The following GBX2 variants were observed in gnomAD, a reference collection of about 807,000 sequenced individuals.
The protein encoded by GBX2 is gastrulation brain homeobox 2.
GBX2 carries 5 observed loss-of-function variants against 22.4 expected under a neutral mutation model. The ratio of observed to expected loss-of-function variants is 0.22; its 90% confidence interval spans 0.12 to 0.47. GBX2 has a LOEUF of 0.47. Ranked by LOEUF, GBX2 falls within the 20% of genes least tolerant of loss-of-function variation. GBX2 has a pLI of 0.99. For missense variants in GBX2, 470 were observed against 495.4 expected (o/e 0.95, Z 0.49); for synonymous variants, 220 against 230.5 (o/e 0.95, Z 0.41).
chr2:236,167,247 C>A (rs913113568), intron 1 of GBX2: 2 of 1,466,452 alleles, frequency 1.4e-6, no homozygotes, highest in Non-Finnish European at 1.8e-6. Flanking sequence ...AAACGCCCCC[C>A]CTCCCGAGAC....
chr2:236,164,398 CGCA>C (rs1559317113), downstream of GBX2, among the ~76,000 whole-genome samples: 1 of 152,132 alleles, frequency 6.6e-6, no homozygotes, highest in Non-Finnish European at 1.5e-5. Context: ...GCCTGTCCGC[CGCA>C]GTATCTGGCG....
In GBX2 at chr2:236,167,981, C is replaced by G. The variant is rs1330188938; in HGVS notation, c.-10G>C. On this transcript the variant is annotated 5_prime_UTR_variant, in exon 1 of 2. Transcript: ENST00000306318. ...GGAACGCTGCGCTCATAGACGCGCT[C>G]GGTAGAGGCCAGCGAGAGGCGAAAA... is the stretch of plus-strand genomic sequence containing the variant. 6.5e-7 allele frequency: 1 copy of G among 1,541,632 alleles called. No individual in the cohort carries two copies.
chr2:236,166,041 G>A lies in GBX2; in HGVS notation c.920C>T (p.Ala307Val). The A allele has an allele frequency of 6.2e-7, 1 of 1,614,240 alleles. No individual in the cohort carries two copies. Among genetic ancestry groups the A allele is most frequent in the Non-Finnish European group, 8.5e-7 (1 of 1,180,050 alleles). The change falls in exon 2 of 2, where the codon GCA becomes GTA. Residue 307 changes from alanine (A) to valine (V), a missense_variant. This residue lies in a region of GBX2 where 50 missense variants were observed against 59.1 expected (regional missense o/e 0.85). Coordinates refer to ENST00000306318, the MANE Select transcript of GBX2 (RefSeq NM_001485.4). This position sits in a 1 kb window ranked among gnomAD's most constrained non-coding sequence, Gnocchi z 6.6. ...CCCTGTCTTGGAATTGGCATTGCCT[G>A]CCTTCACCCGTTTCCACTTGGCCCG... is the stretch of plus-strand genomic sequence containing the variant. ...NRRAKWKRVK[A>V]GNANSKTGEP...
At chr2:236,162,801 C>A (rs1165043684), downstream of GBX2, among the ~76,000 whole-genome samples, 2 of 152,220 alleles carry the variant, frequency 1.3e-5, no homozygotes, top group South Asian at 2.1e-4. Flanking sequence ...GATGTCAAAA[C>A]CCAACCTTGG....
chr2:236,162,758 G>A (rs551990840), downstream of GBX2, among the ~76,000 whole-genome samples: 144 of 152,350 alleles, frequency 9.5e-4, no homozygotes, highest in Admixed American at 2.2e-3. Flanking sequence ...ATCTGCAGAT[G>A]TAAGTGGAAT....
Position 236,166,236 on chromosome 2 carries a change from G to A in GBX2, c.725C>T (p.Thr242Met), listed in dbSNP as rs769851621. The A allele has an allele frequency of 1.2e-6, 2 of 1,613,672 alleles. No individual in the cohort carries two copies. Among genetic ancestry groups the A allele is most frequent in the African/African-American group, 1.3e-5 (1 of 75,068 alleles). ...PPSSGAAGST[T>M]STGKNRRRRT... is the part of the protein sequence containing the mutation. ...CCGCCGCCGGTTCTTGCCCGTAGAC[G>A]TGGTGCTGCCCGCGGCGCCGCTGCT... is the stretch of plus-strand genomic sequence containing the variant. The change falls in exon 2 of 2, where the codon ACG (threonine) becomes ATG (methionine). Residue 242 changes from threonine to methionine, a missense_variant. This residue lies in a region of GBX2 where 377 missense variants were observed against 358.6 expected (regional missense o/e 1.05). Coordinates refer to ENST00000306318, the MANE Select transcript of GBX2 (RefSeq NM_001485.4). This position sits in a 1 kb window ranked among gnomAD's most constrained non-coding sequence, Gnocchi z 6.6.
intron 1 of GBX2, 39 bp downstream of exon 1, chr2:236,167,410 C>T (rs1436579212): frequency 6.9e-6 from 10 of 1,448,218 alleles, no homozygotes; most frequent in African/African-American, 1.5e-5. Context: ...CCCGCCTCCT[C>T]CCGCCCCCTC....
Position 236,165,922 on chromosome 2 carries a change from G to A in GBX2, c.1039C>T (p.Arg347Trp). The A allele has an allele frequency of 1.2e-6, 2 of 1,612,710 alleles. No individual in the cohort carries two copies. Among genetic ancestry groups the A allele is most frequent in the Non-Finnish European group, 1.7e-6 (2 of 1,178,968 alleles). Residue 347 changes from arginine (R) to tryptophan (W), a missense_variant, in exon 2 of 2, where the codon CGG (arginine) becomes TGG (tryptophan). Transcript: ENST00000306318. ...RSQHQQLEQARP is the reference protein window; with the variant it reads ...RSQHQQLEQAWP ...CTGGCCCTTCTGGACCCTCAGGGCC[G>A]GGCCTGTTCTAGCTGCTGATGCTGA...
rs1224419584 is a variant in GBX2, at chr2:236,168,157, C to T, written c.-186G>A. On this transcript the variant is annotated 5_prime_UTR_variant, in exon 1 of 2. Transcript: ENST00000306318. ...ATGCCGGGCGGGTGCAGGGGGTGTG[C>T]GGGGTGAGGCCGTGCGCCCCGGAGT... 2 of 495,778 alleles carry T rather than the reference C, an allele frequency of 4.0e-6. No individual in the cohort carries two copies. Among genetic ancestry groups the T allele is most frequent in the Non-Finnish European group, 6.1e-6 (2 of 329,476 alleles). 30.7% of individuals were successfully genotyped at this position (495,778 alleles called of 1,614,324 possible).
At chr2:236,162,625 G>A (rs1252175104), downstream of GBX2, among the ~76,000 whole-genome samples, 1 of 152,248 alleles carries the variant, frequency 6.6e-6, no homozygotes, top group African/African-American at 2.4e-5. Flanking sequence ...TGGAGTGACT[G>A]TTCTTGTGGC....
rs1430811000 is a variant in GBX2 at position 236,165,882 on chromosome 2, G to A, written c.*32C>T. The A allele has an allele frequency of 1.3e-6, 2 of 1,554,216 alleles. No homozygotes were observed. Among genetic ancestry groups the A allele is most frequent in the Non-Finnish European group, 1.7e-6 (2 of 1,149,648 alleles). On this transcript the variant is annotated 3_prime_UTR_variant, in exon 2 of 2. Transcript: ENST00000306318. ...TCCCTCGGGTGCGGGGGCTTCTCCA[G>A]GTGGGTGCCAGGCCCTGGCCCTTCT...
downstream of GBX2, among the ~76,000 whole-genome samples, chr2:236,164,890 G>T (rs2060229463): frequency 6.6e-6 from 1 of 152,178 alleles, no homozygotes; most frequent in Non-Finnish European, 1.5e-5. Flanking sequence ...GGAGCATCAG[G>T]AGTTTGTGCA....
In GBX2 at chr2:236,165,261, T is replaced by C. The variant is rs915965557; in HGVS notation, c.*653A>G. 6 of 152,348 alleles carry C rather than the reference T, an allele frequency of 3.9e-5. No homozygotes were observed. The highest frequency in any genetic ancestry group is 1.4e-4 in the African/African-American group (6 of 41,568). The allele number at this position is 152,348 out of a possible 1,614,324, so 9.4% of individuals were successfully genotyped here. The stretch of plus-strand genomic sequence containing the variant: ...TTGGTCTTTTTCCCCCCCTCTCTCC[T>C]TTTTATTATTCACAAGACTGAAATT... On this transcript the variant is annotated 3_prime_UTR_variant, in exon 2 of 2. Coordinates refer to ENST00000306318, the MANE Select transcript of GBX2 (RefSeq NM_001485.4).
rs986640279 is a variant in GBX2, at chr2:236,166,347, A to G, written c.614T>C (p.Val205Ala). ...CAGATTGTCATCCGAGCTGTAGTCCACATCGCTCTCCAGCGAGAAGCTCTC... is the reference window on the plus strand; with the variant it reads ...CAGATTGTCATCCGAGCTGTAGTCCGCATCGCTCTCCAGCGAGAAGCTCTC... Reference protein sequence around the residue: ...KEESFSLESDVDYSSDDNLTG... With the variant: ...KEESFSLESDADYSSDDNLTG... The change falls in exon 2 of 2, where the codon GTG (valine) becomes GCG (alanine). Residue 205 changes from valine to alanine, a missense_variant. Coordinates refer to ENST00000306318, the MANE Select transcript of GBX2 (RefSeq NM_001485.4). This position sits in a 1 kb window ranked among gnomAD's most constrained non-coding sequence, Gnocchi z 6.6. The G allele has an allele frequency of 4.3e-6, 7 of 1,613,924 alleles. No individual in the cohort carries two copies. The highest frequency in any genetic ancestry group is 4.0e-5 in the African/African-American group (3 of 74,930).
chr2:236,164,114 G>A (rs1368781827), downstream of GBX2, among the ~76,000 whole-genome samples: 1 of 152,188 alleles, frequency 6.6e-6, no homozygotes, highest in Non-Finnish European at 1.5e-5. Flanking sequence ...GGAGGTCTTG[G>A]TCCCCAGGCC....
chr2:236,167,846 G>C lies in GBX2; in HGVS notation c.126C>G (p.Thr42=). ...GGTAGGGCATGAACATGGGGTAGCC[G>C]GTGTAGACGAAATGGCCGGGGCTGG... The part of the protein sequence containing the change: ...PQPSPGHFVY[T]GYPMFMPYRP... The change falls in exon 1 of 2, where the codon ACC becomes ACG. Residue 42 remains threonine, a synonymous_variant. Coordinates refer to ENST00000306318, the MANE Select transcript of GBX2 (RefSeq NM_001485.4). The C allele has an allele frequency of 6.6e-7, 1 of 1,513,092 alleles. No individual in the cohort carries two copies. Among genetic ancestry groups the C allele is most frequent in the Non-Finnish European group, 8.8e-7 (1 of 1,131,416 alleles). 93.7% of individuals were successfully genotyped at this position (1,513,092 alleles called of 1,614,324 possible). A position where few individuals can be genotyped will look rare whatever the true frequency, so the allele number is the denominator to read the frequency against.
In GBX2 at chr2:236,167,923, C is replaced by G; in HGVS notation, c.49G>C (p.Gly17Arg). ...TCTATGCTGAAGGCGGTGCTACTCC[C>G]CAGCGGGCGCTGCATCATCATCAGC... Reference protein sequence around the residue: ...PSLMMMQRPLGSSTAFSIDSL... With the variant: ...PSLMMMQRPLRSSTAFSIDSL... Residue 17 changes from glycine to arginine, a missense_variant, in exon 1 of 2, where the codon GGG becomes CGG. Gly to Arg is a moderately radical substitution (Grantham distance 125). Coordinates refer to ENST00000306318, the MANE Select transcript of GBX2 (RefSeq NM_001485.4). 6.4e-7 allele frequency: 1 copy of G among 1,562,312 alleles called. No individual in the cohort carries two copies. The highest frequency in any genetic ancestry group is 1.2e-5 in the South Asian group (1 of 86,332).
At chr2:236,163,376 G>C (rs2060221742), downstream of GBX2, among the ~76,000 whole-genome samples, 2 of 152,156 alleles carry the variant, frequency 1.3e-5, no homozygotes, top group African/African-American at 4.8e-5. Flanking sequence ...AGGACCTCGA[G>C]GCTGGGAGGG....
At chr2:236,163,672 C>G (rs1037268242), downstream of GBX2, among the ~76,000 whole-genome samples, 1 of 152,226 alleles carries the variant, frequency 6.6e-6, no homozygotes, top group Admixed American at 6.5e-5. Flanking sequence ...ACTCTTCGCC[C>G]CCAGCCACGC....
Sources: gnomAD v4.1 joint callset for allele counts (sites outside exome capture counted in the v4.1 genomes callset) on GRCh38, gnomAD v4.1.1 for gene constraint, gnomAD v4.1.1 regional missense constraint, Gnocchi (gnomAD v3.1) non-coding constraint, MANE v1.5 for transcripts, NCBI Gene and HGNC (gene_info 2026-07-23, HGNC 2026-07-21) for gene names.